TP63: variants seen among roughly 807,000 people sequenced by gnomAD.
The protein encoded by TP63 is tumor protein p63.
A neutral mutation model predicts 82.8 loss-of-function variants in TP63; 17 were observed. The observed-to-expected ratio is 0.21, with a 90% CI of 0.14 to 0.31. The LOEUF (loss-of-function observed/expected upper bound fraction) is 0.31. TP63 is among the 10% of genes least tolerant of loss of function. The pLI is 1.00. For synonymous variants in TP63, 330 were observed against 321.7 expected, an observed-to-expected ratio of 1.03 and a Z score of -0.28; for missense variants, 648 against 895.3, an observed-to-expected ratio of 0.72 and a Z score of 3.52.
chr3:189,724,773 A>G (rs1719647201), intron 1 of TP63, among the ~76,000 whole-genome samples: 1 of 152,214 alleles, frequency 6.6e-6, no homozygotes, highest in Non-Finnish European at 1.5e-5. Context: ...CATTATGGTT[A>G]TGGAACACCT....
At chr3:189,773,467 A>G (rs1723525505) in intron 3 of TP63, among the ~76,000 whole-genome samples, 1 of 152,202 alleles carries the variant, frequency 6.6e-6, no homozygotes, top group Non-Finnish European at 1.5e-5. Context: ...GCTTCCATTA[A>G]TTTTGTACAC....
At chr3:189,685,801 G>A (rs966749999) in intron 1 of TP63, among the ~76,000 whole-genome samples, 11 of 152,176 alleles carry the variant, frequency 7.2e-5, no homozygotes, top group African/African-American at 1.2e-4. Context: ...CCCCAGACAT[G>A]TAGGATGTGA....
intron 3 of TP63, among the ~76,000 whole-genome samples, chr3:189,764,820 C>T (rs1172894878): frequency 6.6e-6 from 1 of 152,162 alleles, no homozygotes; most frequent in African/African-American, 2.4e-5. Context: ...CATTTTTGTA[C>T]TTCGGCGGCA....
intron 3 of TP63, among the ~76,000 whole-genome samples, chr3:189,775,220 C>CAAAAAAAAAAAA (rs56288032): frequency 7.5e-5 from 7 of 93,014 alleles, no homozygotes; most frequent in Admixed American, 1.2e-4. Flanking sequence ...AACTCTGTCT[C>CAAAAAAAAAAAA]AAAAAAAAAA....
intron 1 of TP63, among the ~76,000 whole-genome samples, chr3:189,633,457 A>G (rs1729584648): frequency 1.3e-5 from 2 of 151,922 alleles, no homozygotes; most frequent in South Asian, 2.1e-4. Context: ...TTTAACTCCC[A>G]CTTAACACGT....
chr3:189,729,870 C>G (rs1028688308), intron 1 of TP63, among the ~76,000 whole-genome samples: 13 of 152,014 alleles, frequency 8.6e-5, no homozygotes, highest in African/African-American at 3.1e-4. Flanking sequence ...AATAAAAAGG[C>G]AATACACTAA....
chr3:189,759,028 C>T (rs1417132689), intron 3 of TP63, among the ~76,000 whole-genome samples: 5 of 152,116 alleles, frequency 3.3e-5, no homozygotes, highest in African/African-American at 4.8e-5. Flanking sequence ...TTCCCTTTGC[C>T]AGTCTAATGA....
chr3:189,660,619 A>C (rs1713788855), intron 1 of TP63, among the ~76,000 whole-genome samples: 1 of 152,052 alleles, frequency 6.6e-6, no homozygotes, highest in South Asian at 2.1e-4. Flanking sequence ...GTAGTTTGAT[A>C]AGGATAATGT....
At chr3:189,743,354 A>G (rs914136128) in intron 3 of TP63, among the ~76,000 whole-genome samples, 1 of 152,186 alleles carries the variant, frequency 6.6e-6, no homozygotes, top group Non-Finnish European at 1.5e-5. Flanking sequence ...TTCATTTCTT[A>G]TGAGAGTAGA....
chr3:189,630,774 G>C (rs1205298016), upstream of TP63, among the ~76,000 whole-genome samples: 1 of 152,032 alleles, frequency 6.6e-6, no homozygotes, highest in Non-Finnish European at 1.5e-5. Flanking sequence ...CTTCTAAGGG[G>C]ATGTGAAAGG....
chr3:189,612,671 C>T, the TP63 span, among the ~76,000 whole-genome samples: 2 of 152,116 alleles, frequency 1.3e-5, no homozygotes, highest in East Asian at 3.9e-4. Flanking sequence ...CAGAAGAAGA[C>T]AGGAAAATGT....
intron 1 of TP63, among the ~76,000 whole-genome samples, chr3:189,640,644 C>T (rs1481019098): frequency 2.0e-5 from 3 of 152,104 alleles, no homozygotes; most frequent in Non-Finnish European, 2.9e-5. Context: ...TATGTTCCTA[C>T]ATAAAATGTA....
At chr3:189,693,740 A>C (rs147824067) in intron 1 of TP63, among the ~76,000 whole-genome samples, 2 of 152,292 alleles carry the variant, frequency 1.3e-5, no homozygotes, top group Non-Finnish European at 1.5e-5. Flanking sequence ...ATCTGGACTT[A>C]GGGTAAATGA....
chr3:189,707,171 TCTA>T (rs1244597925), intron 1 of TP63, among the ~76,000 whole-genome samples: 1 of 152,242 alleles, frequency 6.6e-6, no homozygotes, highest in Non-Finnish European at 1.5e-5. Flanking sequence ...TTAAAAACCA[TCTA>T]CTATTTTATC....
rs1028557059 is a variant in TP63 at position 189,738,943 on chromosome 3, T to C, written c.324+169T>C. 3 of 919,292 alleles carry C rather than the reference T, an allele frequency of 3.3e-6. No homozygotes were observed. In the African/African-American group the frequency reaches 5.0e-5, roughly 15 times the overall value. The allele number at this position is 919,292 out of a possible 1,614,324, so 56.9% of individuals were successfully genotyped here. On this transcript the variant is annotated intron_variant, in intron 3 of 13. Coordinates refer to ENST00000264731, the MANE Select transcript of TP63 (RefSeq NM_003722.5). ...AGAAGATTTGGTGTGGATTATGCAT[T>C]CTGGGTCTGCCGCAAATATCTATAA...
chr3:189,741,448 G>T (rs905060615), intron 3 of TP63, among the ~76,000 whole-genome samples: 4 of 133,156 alleles, frequency 3.0e-5, no homozygotes, highest in Non-Finnish European at 6.6e-5. Context: ...CTGCTACAAC[G>T]GGTGTGAGAG....
At chr3:189,664,119 C>T (rs1023196148) in intron 1 of TP63, among the ~76,000 whole-genome samples, 1 of 151,954 alleles carries the variant, frequency 6.6e-6, no homozygotes, top group Admixed American at 6.6e-5. Context: ...GGTCTGACTT[C>T]CCCCTAAACT....
intron 1 of TP63, among the ~76,000 whole-genome samples, chr3:189,650,325 C>A (rs1217980113): frequency 1.4e-5 from 2 of 147,190 alleles, no homozygotes; most frequent in Non-Finnish European, 3.0e-5. Context: ...TTACCTCTTA[C>A]AATAAGAAAT....
At chr3:189,694,867 G>A (rs575737525) in intron 1 of TP63, among the ~76,000 whole-genome samples, 16 of 121,722 alleles carry the variant, frequency 1.3e-4, no homozygotes, top group African/African-American at 4.4e-4. Context: ...GTGCAGTGGC[G>A]TGATCTTGGC....
Sources: gnomAD v4.1 joint callset for allele counts (sites outside exome capture counted in the v4.1 genomes callset) on GRCh38, gnomAD v4.1.1 for gene constraint, MANE v1.5 for transcripts, NCBI Gene and HGNC (gene_info 2026-07-23, HGNC 2026-07-21) for gene names.